RBFOX1: variants seen among roughly 807,000 people sequenced by gnomAD.
RBFOX1 encodes the protein RNA binding fox-1 homolog 1, also known as RNA binding protein fox-1 homolog 1.
RBFOX1 carries 8 observed loss-of-function variants against 57.7 expected under a neutral mutation model. The observed-to-expected ratio is 0.14, with a 90% confidence interval of 0.08 to 0.25. The LOEUF (loss-of-function observed/expected upper bound fraction) is 0.25. RBFOX1 is among the 10% of genes least tolerant of loss of function. The probability of loss-of-function intolerance (pLI) is 1.00; values close to 1 mark genes in which losing one functional copy is unlikely to be tolerated. For synonymous variants in RBFOX1, 326 were observed against 222.4 expected (o/e 1.47, Z -4.15); for missense variants, 611 against 548.5 (o/e 1.11, Z -1.14).
At chr16:6,785,512 T>C (rs1173922393) in intron 3 of RBFOX1, among the ~76,000 whole-genome samples, 2 of 152,122 alleles carry the variant, frequency 1.3e-5, no homozygotes, top group Non-Finnish European at 2.9e-5. Flanking sequence ...CCATCCTACC[T>C]TCCCCAAAGC....
At chr16:7,163,125 G>T (rs1443338508) in intron 4 of RBFOX1, among the ~76,000 whole-genome samples, 1 of 152,154 alleles carries the variant, frequency 6.6e-6, no homozygotes, top group Non-Finnish European at 1.5e-5. Flanking sequence ...GAATGCATCT[G>T]CAGCTCAACA....
intron 4 of RBFOX1, among the ~76,000 whole-genome samples, chr16:7,420,217 G>A (rs1021672983): frequency 1.3e-5 from 2 of 152,064 alleles, no homozygotes; most frequent in Non-Finnish European, 2.9e-5. Flanking sequence ...GACCTATTCC[G>A]TAGAGTGTGG....
intron 1 of RBFOX1, among the ~76,000 whole-genome samples, chr16:5,316,971 G>A (rs560899664): frequency 1.3e-5 from 2 of 152,296 alleles, no homozygotes; most frequent in East Asian, 1.9e-4. Context: ...CTCTTCTGGA[G>A]GAGCTGGGAT....
intron 4 of RBFOX1, among the ~76,000 whole-genome samples, chr16:7,324,463 G>T (rs1659251703): frequency 6.6e-6 from 1 of 152,176 alleles, no homozygotes; most frequent in South Asian, 2.1e-4. Context: ...AGAGGCCTCA[G>T]GGGGTATTTG....
At chr16:5,265,744 A>C (rs2062842031) in intron 1 of RBFOX1, among the ~76,000 whole-genome samples, 1 of 152,252 alleles carries the variant, frequency 6.6e-6, no homozygotes, top group Non-Finnish European at 1.5e-5. Context: ...TCAGAGGCTG[A>C]ATTAAACAAA....
intron 10 of RBFOX1, among the ~76,000 whole-genome samples, chr16:7,609,642 A>AT (rs1372386744): frequency 6.6e-6 from 1 of 152,192 alleles, no homozygotes; most frequent in African/African-American, 2.4e-5. Context: ...AGTTTAATGT[A>AT]TTTAATGCTC....
intron 1 of RBFOX1, among the ~76,000 whole-genome samples, chr16:5,314,740 A>C (rs568358266): frequency 6.6e-6 from 1 of 151,756 alleles, no homozygotes; most frequent in East Asian, 1.9e-4. Context: ...GACTCAAGCA[A>C]TCCTCCTGCT....
rs927461456 is a variant in RBFOX1 at position 6,718,222 on chromosome 16, T to C, written c.-16+63572T>C. ...AACATGAAATAATAACAGCAATTAA[T>C]GTTTATATATTGGTCTTTTCCATAT... is the stretch of plus-strand genomic sequence containing the variant. On this transcript the variant is annotated intron_variant, in intron 3 of 15. Coordinates refer to ENST00000550418, the MANE Select transcript of RBFOX1 (RefSeq NM_018723.4). Among the ~76,000 whole-genome samples, 3 of 152,176 alleles carry C rather than the reference T, an allele frequency of 2.0e-5. No homozygotes were observed. The South Asian group carries it at 6.2e-4, about 32-fold the overall frequency.
Position 7,519,741 on chromosome 16 carries a change from C to G in RBFOX1, c.270+1352C>G, listed in dbSNP as rs965240995. 5.1e-6 allele frequency: 5 copies of G among 982,138 alleles called. No individual in the cohort carries two copies. The African/African-American group carries it at 5.3e-5, about 10-fold the overall frequency. 60.8% of individuals were successfully genotyped at this position (982,138 alleles called of 1,614,324 possible). ...GGCAATTCTGCCTCTTCGTCCTGTC[C>G]CAAGACCTCAGGAAAGCAAGTATTT... is the stretch of plus-strand genomic sequence containing the variant. On this transcript the variant is annotated intron_variant, in intron 5 of 15. Coordinates refer to ENST00000550418, the MANE Select transcript of RBFOX1 (RefSeq NM_018723.4).
At chr16:7,705,131 A>G (rs1178376677) in intron 14 of RBFOX1, among the ~76,000 whole-genome samples, 1 of 152,110 alleles carries the variant, frequency 6.6e-6, no homozygotes, top group Non-Finnish European at 1.5e-5. Flanking sequence ...TTTGAAACAT[A>G]AAAGATGAAA....
chr16:7,008,628 C>T (rs903388902), intron 3 of RBFOX1, among the ~76,000 whole-genome samples: 3 of 121,418 alleles, frequency 2.5e-5, no homozygotes, highest in Non-Finnish European at 5.1e-5. Context: ...CTCCCTCCCT[C>T]CCTTCCTCCC....
At chr16:5,648,154 C>T (rs1199570460) in intron 3 of RBFOX1, among the ~76,000 whole-genome samples, 2 of 152,158 alleles carry the variant, frequency 1.3e-5, no homozygotes, top group Non-Finnish European at 2.9e-5. Flanking sequence ...GCCACTGCAC[C>T]TGGCCACCTT....
chr16:6,869,226 C>A (rs1282485975), intron 3 of RBFOX1, among the ~76,000 whole-genome samples: 1 of 152,214 alleles, frequency 6.6e-6, no homozygotes, highest in African/African-American at 2.4e-5. Context: ...GCAACACTTG[C>A]TGACCACCTA....
chr16:6,513,000 A>C (rs139100941), intron 2 of RBFOX1, among the ~76,000 whole-genome samples: 10 of 152,300 alleles, frequency 6.6e-5, no homozygotes, highest in African/African-American at 2.4e-4. Flanking sequence ...ACGAATTCCT[A>C]CTTCTCATCG....
chr16:6,513,837 G>A lies in RBFOX1; in HGVS notation c.-63-140766G>A, dbSNP rs552254978. ...AGCCAATCAGTTCAAGCGAGAGGGT[G>A]GAGTGTTCTCATTGGTTTGGACTAG... On this transcript the variant is annotated intron_variant, in intron 2 of 15. Transcript: ENST00000550418. 4.6e-4 allele frequency among the ~76,000 whole-genome samples: 70 copies of A among 152,252 alleles called. No homozygotes were observed. The South Asian group carries it at 0.014, about 31-fold the overall frequency.
chr16:6,723,954 G>A (rs1000641566), intron 3 of RBFOX1: 2 of 152,160 alleles, frequency 1.3e-5, no homozygotes, highest in African/African-American at 4.8e-5. Flanking sequence ...CTCCACCTTG[G>A]CCCATTGCTG....
chr16:6,777,291 A>T (rs2154219737), intron 3 of RBFOX1, among the ~76,000 whole-genome samples: 1 of 152,258 alleles, frequency 6.6e-6, no homozygotes, highest in Non-Finnish European at 1.5e-5. Flanking sequence ...GGAGTAATTG[A>T]TTAGTACTAC....
At chr16:6,256,189 A>G (rs369401251) in intron 1 of RBFOX1, among the ~76,000 whole-genome samples, 2 of 22,608 alleles carry the variant, frequency 8.8e-5, no homozygotes, top group African/African-American at 1.9e-4. Context: ...ATATATACGT[A>G]TATATATGTA....
intron 3 of RBFOX1, among the ~76,000 whole-genome samples, chr16:6,865,482 T>C (rs7203888): frequency 0.78 from 118,558 of 152,088 alleles, 47,227 homozygotes; most frequent in African/African-American, 0.94. Context: ...AGGCACCTTC[T>C]TGTTTTTTAA....
Sources: allele counts gnomAD v4.1 joint callset (sites outside exome capture counted in the v4.1 genomes callset), GRCh38; gene constraint gnomAD v4.1.1; transcripts MANE v1.5; gene names NCBI Gene and HGNC (gene_info 2026-07-23, HGNC 2026-07-21).